CSMD3: variants seen among roughly 807,000 people sequenced by gnomAD.
CSMD3 encodes CUB and Sushi multiple domains 3, also known as CUB and sushi domain-containing protein 3.
Under a neutral mutation model 435.2 loss-of-function variants are expected in CSMD3, and 177 were observed. The observed-to-expected ratio is 0.41, with a 90% CI of 0.36 to 0.46. CSMD3 has a LOEUF of 0.46. Among genes scored for constraint, CSMD3 ranks in the 20% least tolerant of loss-of-function variants. The pLI is 0.34. For missense variants in CSMD3, 4,265 were observed against 4,504.6 expected (o/e 0.95, Z 1.52); for synonymous variants, 1,656 against 1,520.5 (o/e 1.09, Z -2.07).
chr8:112,538,115 T>TA (rs572494481), intron 27 of CSMD3, among the ~76,000 whole-genome samples: 88 of 150,124 alleles, frequency 5.9e-4, no homozygotes, highest in African/African-American at 1.6e-3. Context: ...CAACAAATGC[T>TA]AAAAAAAAAG....
intron 38 of CSMD3, among the ~76,000 whole-genome samples, chr8:112,359,106 T>C (rs746626769): frequency 6.6e-6 from 1 of 152,176 alleles, no homozygotes; most frequent in Non-Finnish European, 1.5e-5. Context: ...CATTGTTTAT[T>C]ATTCATTTTG....
At chr8:112,470,454 A>G (rs1162292689) in intron 32 of CSMD3, among the ~76,000 whole-genome samples, 2 of 152,164 alleles carry the variant, frequency 1.3e-5, no homozygotes, top group Non-Finnish European at 2.9e-5. Context: ...CACATAAGGT[A>G]GGTATTTATC....
At chr8:113,250,596 T>C (rs1423729949) in intron 3 of CSMD3, among the ~76,000 whole-genome samples, 1 of 152,074 alleles carries the variant, frequency 6.6e-6, no homozygotes, top group Non-Finnish European at 1.5e-5. Context: ...GAAAAGAGAT[T>C]GTGTGTATGG....
chr8:113,132,838 A>T (rs927666613), intron 4 of CSMD3, among the ~76,000 whole-genome samples: 2 of 152,152 alleles, frequency 1.3e-5, no homozygotes, highest in African/African-American at 4.8e-5. Context: ...CTGAGTCTAA[A>T]TTATTACGCT....
chr8:112,725,919 G>T (rs1431705396), intron 13 of CSMD3, among the ~76,000 whole-genome samples: 1 of 151,986 alleles, frequency 6.6e-6, no homozygotes, highest in Non-Finnish European at 1.5e-5. Flanking sequence ...CTGCTATAAA[G>T]AACTGCCTGA....
At chr8:112,343,426 G>A (rs543884606) in intron 41 of CSMD3, among the ~76,000 whole-genome samples, 1 of 152,102 alleles carries the variant, frequency 6.6e-6, no homozygotes, top group East Asian at 1.9e-4. Flanking sequence ...ATCCTAAATA[G>A]GATTTCTAAA....
intron 38 of CSMD3, among the ~76,000 whole-genome samples, chr8:112,380,017 A>G (rs916270487): frequency 6.6e-6 from 1 of 152,188 alleles, no homozygotes; most frequent in Non-Finnish European, 1.5e-5. Context: ...ATAAAGTTTC[A>G]GTCATGCAAA....
In CSMD3 at chr8:113,098,778, C is replaced by T. The variant is rs1476142706; in HGVS notation, c.895G>A (p.Gly299Ser). ...EEKYDYLEIE[G>S]SEPPTIWLSG... Reference sequence around the variant, plus strand: ...TACCATATGGTAGGTGGCTCAGAACCTTCTATTTCTAAGTAATCATATTTC... The same window carrying T: ...TACCATATGGTAGGTGGCTCAGAACTTTCTATTTCTAAGTAATCATATTTC... Residue 299 changes from glycine to serine, a missense_variant, in exon 5 of 71, where the codon GGT becomes AGT. Around this residue, in one of 3 missense-constraint regions of CSMD3, gnomAD observed 731 missense variants for 755.4 expected, o/e 0.97. Coordinates refer to ENST00000297405, the MANE Select transcript of CSMD3 (RefSeq NM_198123.2). 6.2e-7 allele frequency: 1 copy of T among 1,611,232 alleles called. No individual in the cohort carries two copies. The highest frequency in any genetic ancestry group is 8.5e-7 in the Non-Finnish European group (1 of 1,177,776).
At chr8:112,288,842 T>C (rs970481844) in intron 57 of CSMD3, among the ~76,000 whole-genome samples, 11 of 152,104 alleles carry the variant, frequency 7.2e-5, no homozygotes, top group Non-Finnish European at 1.6e-4. Flanking sequence ...CACTTATTAA[T>C]ATTAGGATAG....
At chr8:113,101,920 A>T (rs181650121) in intron 4 of CSMD3, among the ~76,000 whole-genome samples, 315 of 152,080 alleles carry the variant, frequency 2.1e-3, no homozygotes, top group African/African-American at 6.4e-3. Context: ...GCAATATTTT[A>T]AAAAAAACAA....
intron 32 of CSMD3, among the ~76,000 whole-genome samples, chr8:112,448,700 C>T (rs1225077849): frequency 2.0e-5 from 3 of 147,990 alleles, no homozygotes; most frequent in African/African-American, 2.5e-5. Flanking sequence ...TAATTTGTTA[C>T]ACCAGCCCTA....
chr8:113,369,927 G>A (rs143519866), intron 1 of CSMD3, among the ~76,000 whole-genome samples: 1 of 151,836 alleles, frequency 6.6e-6, no homozygotes, highest in Non-Finnish European at 1.5e-5. Context: ...GGGATTGGGA[G>A]ATGTTGGTAA....
chr8:112,289,396 G>T lies in CSMD3; in HGVS notation c.9117C>A (p.Gly3039=), dbSNP rs778615749. Residue 3039 remains glycine, a synonymous_variant, in exon 57 of 71, where the codon GGC becomes GGA. Transcript: ENST00000297405. The stretch of plus-strand genomic sequence containing the variant: ...AATGAGGTTGTGATCCACTCCAATG[G>T]CCATTCAATTGGCAGGTTCTTGATG... ...GQSSRTCQLN[G]HWSGSQPHCS... The T allele has an allele frequency of 4.3e-6, 7 of 1,613,148 alleles. No individual in the cohort carries two copies. Among genetic ancestry groups the T allele is most frequent in the Non-Finnish European group, 5.9e-6 (7 of 1,179,482 alleles).
chr8:113,376,694 A>C lies in CSMD3; in HGVS notation c.178+59983T>G, dbSNP rs765692325. 6.2e-6 allele frequency: 10 copies of C among 1,612,296 alleles called. No individual in the cohort carries two copies. In the East Asian group the frequency reaches 8.9e-5, roughly 14 times the overall value. On this transcript the variant is annotated intron_variant, in intron 1 of 70. Transcript: ENST00000297405. ...ATGGGAGTTGACACCCGCCACAAGG[A>C]CCGAAAGGTTCGGCGCAAGGAGCCT...
chr8:113,286,482 A>AT (rs963334319), intron 2 of CSMD3, among the ~76,000 whole-genome samples: 1 of 152,106 alleles, frequency 6.6e-6, no homozygotes, highest in African/African-American at 2.4e-5. Flanking sequence ...CGTTTAGAAT[A>AT]TTTTGTAATT....
In CSMD3 at chr8:112,530,517, A is replaced by G. The variant is rs974360908; in HGVS notation, c.4565-13292T>C. ...GTGATGGTATATTTAAAATGTGGAA[A>G]GAAAAAATAGCCTGCCACCATACAC... On this transcript the variant is annotated intron_variant, in intron 27 of 70. Coordinates refer to ENST00000297405, the MANE Select transcript of CSMD3 (RefSeq NM_198123.2). Among the ~76,000 whole-genome samples, 5 of 152,336 alleles carry G rather than the reference A, an allele frequency of 3.3e-5. No homozygotes were observed. In the East Asian group the frequency reaches 9.6e-4, roughly 29 times the overall value.
chr8:112,911,997 A>G (rs1461826910), intron 10 of CSMD3, among the ~76,000 whole-genome samples: 1 of 149,438 alleles, frequency 6.7e-6, no homozygotes, highest in Non-Finnish European at 1.5e-5. Flanking sequence ...TTCCTGTCAT[A>G]TGTTATCATC....
intron 23 of CSMD3, among the ~76,000 whole-genome samples, 176 bp from the exon 24 acceptor site, chr8:112,573,833 T>G (rs1249795214): frequency 6.6e-6 from 1 of 152,002 alleles, no homozygotes; most frequent in Non-Finnish European, 1.5e-5. Flanking sequence ...AAGTTAGAAT[T>G]CACATGTATA....
At chr8:112,982,158 C>T (rs1182665846) in intron 6 of CSMD3, among the ~76,000 whole-genome samples, 1 of 151,684 alleles carries the variant, frequency 6.6e-6, no homozygotes, top group Non-Finnish European at 1.5e-5. Flanking sequence ...GAGGTTTCTC[C>T]GATGTGTAGA....
Sources: allele counts gnomAD v4.1 joint callset (sites outside exome capture counted in the v4.1 genomes callset), GRCh38; gene constraint gnomAD v4.1.1; regional missense constraint gnomAD v4.1.1; transcripts MANE v1.5; gene names NCBI Gene and HGNC (gene_info 2026-07-23, HGNC 2026-07-21).